The following CDKAL1 variants were observed in gnomAD, a reference collection of about 807,000 sequenced individuals.
CDKAL1 encodes the protein threonylcarbamoyladenosine tRNA methylthiotransferase.
Under a neutral mutation model 68.2 loss-of-function variants are expected in CDKAL1, and 32 were observed. The observed-to-expected ratio is 0.47, with a 90% confidence interval of 0.35 to 0.63. The LOEUF is 0.63. CDKAL1 is among the 30% of genes least tolerant of loss of function. CDKAL1 has a pLI of 0.00. For synonymous variants in CDKAL1, 234 were observed against 244.3 expected (o/e 0.96, Z 0.39); for missense variants, 606 against 696.7 (o/e 0.87, Z 1.47).
intron 8 of CDKAL1, among the ~76,000 whole-genome samples, chr6:20,819,905 C>T (rs1372134284): frequency 6.6e-6 from 1 of 152,130 alleles, no homozygotes; most frequent in Non-Finnish European, 1.5e-5. Context: ...AGAAGCTTCA[C>T]AGAGCAGTGC....
intron 15 of CDKAL1, among the ~76,000 whole-genome samples, chr6:21,210,981 A>T (rs966696861): frequency 2.6e-5 from 4 of 152,192 alleles, no homozygotes; most frequent in African/African-American, 9.6e-5. Flanking sequence ...TTCCCAGTCA[A>T]TGTCTCACAT....
intron 8 of CDKAL1, among the ~76,000 whole-genome samples, chr6:20,787,810 T>C (rs1424895327): frequency 6.6e-6 from 1 of 152,200 alleles, no homozygotes; most frequent in Admixed American, 6.5e-5. Context: ...ATAGAGACTT[T>C]TAAGGCAGTT....
intron 5 of CDKAL1, among the ~76,000 whole-genome samples, chr6:20,734,236 T>G (rs895453828): frequency 3.3e-5 from 5 of 151,954 alleles, no homozygotes; most frequent in African/African-American, 4.8e-5. Flanking sequence ...GGGAAAAGCT[T>G]CTTTATGTTT....
chr6:20,886,191 T>C lies in CDKAL1; in HGVS notation c.742+40013T>C, dbSNP rs1761060002. Among the ~76,000 whole-genome samples the C allele has an allele frequency of 3.3e-5, 5 of 152,304 alleles. No homozygotes were observed. In the South Asian group the frequency reaches 1.0e-3, roughly 32 times the overall value. ...TTAGTGTGATGCAAATCAAAACCCT[T>C]CAGACTTGCTAGGATGGCTTTAATT... is the stretch of plus-strand genomic sequence containing the variant. On this transcript the variant is annotated intron_variant, in intron 9 of 15. Coordinates refer to ENST00000274695, the MANE Select transcript of CDKAL1 (RefSeq NM_017774.3).
chr6:20,917,956 A>G (rs149138931), intron 9 of CDKAL1, among the ~76,000 whole-genome samples: 29 of 152,196 alleles, frequency 1.9e-4, no homozygotes, highest in Admixed American at 9.2e-4. Context: ...TAAAAATACA[A>G]AAGAATTGGC....
At chr6:20,673,312 C>T (rs1769937152) in intron 5 of CDKAL1, among the ~76,000 whole-genome samples, 1 of 152,118 alleles carries the variant, frequency 6.6e-6, no homozygotes, top group Non-Finnish European at 1.5e-5. Flanking sequence ...GCTCAAGTGC[C>T]TGATATTAAA....
At chr6:20,575,620 CATTAAT>C (rs1476389094) in intron 4 of CDKAL1, among the ~76,000 whole-genome samples, 5 of 152,044 alleles carry the variant, frequency 3.3e-5, no homozygotes, top group African/African-American at 1.2e-4. Context: ...TTTATCTTCA[CATTAAT>C]ATTATATCTT....
intron 13 of CDKAL1, among the ~76,000 whole-genome samples, chr6:21,109,064 CT>C (rs1773996235): frequency 6.6e-6 from 1 of 152,136 alleles, no homozygotes; most frequent in African/African-American, 2.4e-5. Flanking sequence ...TCCTAGACAT[CT>C]TTTCACTTGT....
intron 13 of CDKAL1, among the ~76,000 whole-genome samples, chr6:21,141,163 C>G (rs1775889659): frequency 6.6e-6 from 1 of 152,214 alleles, no homozygotes; most frequent in African/African-American, 2.4e-5. Context: ...TCCCCCCTTG[C>G]ACGCTATATT....
At chr6:20,844,994 C>T (rs1449860027) in intron 8 of CDKAL1, among the ~76,000 whole-genome samples, 3 of 152,104 alleles carry the variant, frequency 2.0e-5, no homozygotes, top group Non-Finnish European at 4.4e-5. Flanking sequence ...TAGTTAAACA[C>T]GTTTTAAAAT....
chr6:21,052,974 T>G (rs1466880245), intron 11 of CDKAL1, among the ~76,000 whole-genome samples: 1 of 152,198 alleles, frequency 6.6e-6, no homozygotes, highest in African/African-American at 2.4e-5. Flanking sequence ...TTTTTCATTG[T>G]TAAGTCTGTA....
chr6:20,940,579 G>C (rs915288557), intron 9 of CDKAL1, among the ~76,000 whole-genome samples: 1 of 152,092 alleles, frequency 6.6e-6, no homozygotes, highest in African/African-American at 2.4e-5. Context: ...GCGGGAGATG[G>C]AGCCTCTCTC....
chr6:21,031,228 T>G (rs989845625), intron 11 of CDKAL1, among the ~76,000 whole-genome samples: 7 of 151,782 alleles, frequency 4.6e-5, no homozygotes, highest in African/African-American at 1.5e-4. Flanking sequence ...CATTCTCAGC[T>G]CCTAGCAGCC....
intron 4 of CDKAL1, among the ~76,000 whole-genome samples, chr6:20,585,799 T>A (rs1765330910): frequency 6.6e-6 from 1 of 152,126 alleles, no homozygotes; most frequent in Admixed American, 6.5e-5. Flanking sequence ...TTTCCACCTA[T>A]ACTCACTTAT....
At chr6:21,136,907 G>T (rs1434464619) in intron 13 of CDKAL1, among the ~76,000 whole-genome samples, 1 of 152,130 alleles carries the variant, frequency 6.6e-6, no homozygotes, top group Non-Finnish European at 1.5e-5. Context: ...GTAACACGGA[G>T]GAATTACTTC....
At chr6:20,704,816 A>G (rs991984612) in intron 5 of CDKAL1, among the ~76,000 whole-genome samples, 5 of 152,224 alleles carry the variant, frequency 3.3e-5, no homozygotes, top group African/African-American at 1.2e-4. Context: ...TAGATGGTAT[A>G]GTCCAGTGCC....
chr6:21,146,629 T>C (rs1334337028), intron 13 of CDKAL1, among the ~76,000 whole-genome samples: 7 of 152,028 alleles, frequency 4.6e-5, no homozygotes, highest in Non-Finnish European at 1.0e-4. Flanking sequence ...GACGGGCGGA[T>C]CACAAGGTCA....
chr6:20,656,536 G>A (rs9460542), intron 5 of CDKAL1, among the ~76,000 whole-genome samples: 39,225 of 151,696 alleles, frequency 0.26, 6,621 homozygotes, highest in African/African-American at 0.48. Context: ...ATTTTTCTCT[G>A]TAGAAAGGTA....
chr6:20,944,405 T>A (rs1426581015), intron 9 of CDKAL1, among the ~76,000 whole-genome samples: 1 of 152,252 alleles, frequency 6.6e-6, no homozygotes, highest in African/African-American at 2.4e-5. Context: ...TGGAGGGCAG[T>A]GGCGTGATCT....
Sources: allele counts gnomAD v4.1 joint callset (sites outside exome capture counted in the v4.1 genomes callset), GRCh38; gene constraint gnomAD v4.1.1; transcripts MANE v1.5; gene names NCBI Gene and HGNC (gene_info 2026-07-23, HGNC 2026-07-21).